The following SLC6A13 variants were observed in gnomAD, a reference collection of about 807,000 sequenced individuals.
The protein encoded by SLC6A13 is sodium- and chloride-dependent GABA transporter 2.
In SLC6A13, 69 loss-of-function variants were observed where a neutral mutation model predicts 72.9. That is an observed-to-expected ratio of 0.95 (90% CI 0.78 to 1.16). The LOEUF is 1.16. Ranked by LOEUF, SLC6A13 falls within the 50% of genes most tolerant of loss-of-function variation. The pLI is 0.00. For synonymous variants in SLC6A13, 303 were observed against 303.0 expected, an observed-to-expected ratio of 1.00 and a Z score of 0.00; for missense variants, 735 against 760.5, an observed-to-expected ratio of 0.97 and a Z score of 0.39.
chr12:236,876 T>C, intron 6 of SLC6A13: 1 of 307,462 alleles, frequency 3.3e-6, no homozygotes, highest in South Asian at 1.1e-4. Context: ...TAGGGAACCA[T>C]GACTTGTGTT....
At position 262,805 on chromosome 12, in the gene SLC6A13, C is replaced by A; in HGVS notation, c.-22G>T. On this transcript the variant is annotated 5_prime_UTR_variant, in exon 1 of 15. Transcript: ENST00000343164. ...ATTTCGAACCTTAGTGAAGCTGCTG[C>A]CAGAGGTCCAGTCAGGGGAGAAGAA... 1 of 447,902 alleles carries A rather than the reference C, an allele frequency of 2.2e-6. No homozygotes were observed. The allele number at this position is 447,902 out of a possible 1,614,324, so 27.7% of individuals were successfully genotyped here.
chr12:241,281 C>T (rs148314104), intron 4 of SLC6A13, among the ~76,000 whole-genome samples: 3,914 of 151,812 alleles, frequency 0.026, 155 homozygotes, highest in African/African-American at 0.089. Flanking sequence ...CCAGCCTGGG[C>T]GACCGAGCGA....
chr12:249,539 G>A (rs181106093), intron 2 of SLC6A13, among the ~76,000 whole-genome samples: 19 of 152,116 alleles, frequency 1.2e-4, no homozygotes, highest in African/African-American at 4.1e-4. Flanking sequence ...AATAAAAAAC[G>A]TAACTACCAA....
At chr12:227,350 A>G (rs1941502472) in intron 8 of SLC6A13, 2 of 427,054 alleles carry the variant, frequency 4.7e-6, no homozygotes, top group African/African-American at 2.1e-5. Flanking sequence ...CTCCCAGCCA[A>G]TCACAACTAT....
chr12:226,915 G>C (rs557567687), intron 8 of SLC6A13: 1 of 172,758 alleles, frequency 5.8e-6, no homozygotes, highest in African/African-American at 2.4e-5. Flanking sequence ...ACTCTTAGTC[G>C]CCTGAATTCA....
chr12:236,960 G>A (rs1337866916), intron 6 of SLC6A13, 198 bp downstream of exon 6: 39 of 545,646 alleles, frequency 7.1e-5, no homozygotes, highest in South Asian at 1.8e-4. Context: ...TGCCTTTCTC[G>A]CTCTCTTCCA....
intron 2 of SLC6A13, among the ~76,000 whole-genome samples, chr12:245,616 G>A (rs577092728): frequency 6.6e-6 from 1 of 151,828 alleles, no homozygotes; most frequent in African/African-American, 2.4e-5. Context: ...GGAGGCAGAG[G>A]TTGCAGTGAG....
intron 4 of SLC6A13, 44 bp from the exon 5 acceptor site, chr12:238,054 G>T (rs1413925576): frequency 6.3e-7 from 1 of 1,593,102 alleles, no homozygotes; most frequent in Non-Finnish European, 8.6e-7. Flanking sequence ...AAAATCATCA[G>T]CCAGCCTATG....
chr12:233,488 C>A (rs1049169328), intron 7 of SLC6A13, among the ~76,000 whole-genome samples: 3 of 152,134 alleles, frequency 2.0e-5, no homozygotes, highest in Non-Finnish European at 4.4e-5. Flanking sequence ...GGGAGGAGAC[C>A]CGGAGCCTCT....
chr12:261,942 A>G (rs1434030102), intron 1 of SLC6A13, among the ~76,000 whole-genome samples: 1 of 152,140 alleles, frequency 6.6e-6, no homozygotes, highest in Non-Finnish European at 1.5e-5. Flanking sequence ...AAGAAAAAAA[A>G]AAAAAGTCAG....
rs774005709 is a variant in SLC6A13 at position 221,044 on chromosome 12, G to A, written c.1713C>T (p.Ala571=). Residue 571 remains alanine, a synonymous_variant, in exon 15 of 15, where the codon GCC becomes GCT. Coordinates refer to ENST00000343164, the MANE Select transcript of SLC6A13 (RefSeq NM_016615.5). The part of the protein sequence containing the change: ...RERIRQLMCP[A]EDLPQRNPAG... ...CTGGGTTCCGCTGGGGCAGGTCCTC[G>A]GCTGGGCACATGAGCTGACGGATTC... 31 of 1,610,170 alleles carry A rather than the reference G, an allele frequency of 1.9e-5. No individual in the cohort carries two copies. The highest frequency in any genetic ancestry group is 4.5e-5 in the East Asian group (2 of 44,882).
chr12:258,452 A>G lies in SLC6A13; in HGVS notation c.202+1399T>C, dbSNP rs1591874545. ...TGCAAAAGGATAGGTGTTGCTTTAAAGGACCTCAAATCCTGTAGCCCATGA... is the reference window on the plus strand; with the variant it reads ...TGCAAAAGGATAGGTGTTGCTTTAAGGGACCTCAAATCCTGTAGCCCATGA... On this transcript the variant is annotated intron_variant, in intron 2 of 14. Coordinates refer to ENST00000343164, the MANE Select transcript of SLC6A13 (RefSeq NM_016615.5). Among the ~76,000 whole-genome samples, 3 of 152,200 alleles carry G rather than the reference A, an allele frequency of 2.0e-5. No individual in the cohort carries two copies. In the East Asian group the frequency reaches 5.8e-4, roughly 29 times the overall value.
intron 9 of SLC6A13, among the ~76,000 whole-genome samples, chr12:225,039 C>G (rs1047462594): frequency 6.6e-6 from 1 of 152,244 alleles, no homozygotes; most frequent in African/African-American, 2.4e-5. Flanking sequence ...GCCCGGAGCC[C>G]TTTCTGTCAC....
At chr12:240,748 C>T (rs1438749384) in intron 4 of SLC6A13, among the ~76,000 whole-genome samples, 2 of 152,200 alleles carry the variant, frequency 1.3e-5, no homozygotes, top group African/African-American at 4.8e-5. Flanking sequence ...GAACCTAATG[C>T]CATCCTGGGG....
At chr12:245,284 A>G (rs1303435586) in intron 2 of SLC6A13, among the ~76,000 whole-genome samples, 2 of 152,258 alleles carry the variant, frequency 1.3e-5, no homozygotes, top group East Asian at 3.8e-4. Context: ...AATTATCCCT[A>G]GACCGAGCAC....
chr12:225,680 G>C (rs1290772419), intron 9 of SLC6A13, among the ~76,000 whole-genome samples: 4 of 150,592 alleles, frequency 2.7e-5, no homozygotes, highest in African/African-American at 9.8e-5. Flanking sequence ...AAAAAAGAGG[G>C]AGAGAGAGAC....
intron 13 of SLC6A13, among the ~76,000 whole-genome samples, chr12:221,862 G>A (rs546603743): frequency 6.6e-6 from 1 of 152,330 alleles, no homozygotes; most frequent in South Asian, 2.1e-4. Context: ...TGAGTTTGGG[G>A]TATGAGTACC....
intron 7 of SLC6A13, among the ~76,000 whole-genome samples, chr12:228,058 C>A (rs1438744665): frequency 1.3e-5 from 2 of 152,092 alleles, no homozygotes; most frequent in African/African-American, 2.4e-5. Flanking sequence ...CACAGGGTCT[C>A]CAGGAACACT....
At chr12:258,762 G>A (rs1051695407) in intron 2 of SLC6A13, among the ~76,000 whole-genome samples, 1 of 152,184 alleles carries the variant, frequency 6.6e-6, no homozygotes, top group Admixed American at 6.5e-5. Flanking sequence ...GTTACCCCAG[G>A]GGGCTGAAAG....
Sources: allele counts gnomAD v4.1 joint callset (sites outside exome capture counted in the v4.1 genomes callset), GRCh38; gene constraint gnomAD v4.1.1; transcripts MANE v1.5; gene names NCBI Gene and HGNC (gene_info 2026-07-23, HGNC 2026-07-21).